TUSC3: variants seen among roughly 807,000 people sequenced by gnomAD.
TUSC3 encodes the protein dolichyl-diphosphooligosaccharide--protein glycosyltransferase subunit TUSC3.
A neutral mutation model predicts 44.8 loss-of-function variants in TUSC3; 45 were observed. The ratio of observed to expected loss-of-function variants is 1.00; its 90% confidence interval spans 0.79 to 1.29. The LOEUF (loss-of-function observed/expected upper bound fraction) is 1.29, where lower values mean the gene tolerates loss of function less well. Ranked by LOEUF, TUSC3 falls within the 50% of genes most tolerant of loss-of-function variation. TUSC3 has a pLI of 0.00. For missense variants in TUSC3, 519 were observed against 437.9 expected (o/e 1.19, Z -1.65); for synonymous variants, 212 against 152.9 (o/e 1.39, Z -2.85).
At chr8:15,621,903 C>T (rs1805263930) in intron 1 of TUSC3, among the ~76,000 whole-genome samples, 1 of 151,996 alleles carries the variant, frequency 6.6e-6, no homozygotes, top group African/African-American at 2.4e-5. Context: ...TACTTTCCTT[C>T]CCTTCCTCCC....
At chr8:15,796,631 G>T in the TUSC3 span, among the ~76,000 whole-genome samples, 1 of 152,188 alleles carries the variant, frequency 6.6e-6, no homozygotes, top group Non-Finnish European at 1.5e-5. Context: ...TAGGCATTTA[G>T]GGGACCACTG....
intron 1 of TUSC3, among the ~76,000 whole-genome samples, chr8:15,615,943 G>A (rs1489797152): frequency 6.6e-6 from 1 of 152,142 alleles, no homozygotes; most frequent in Non-Finnish European, 1.5e-5. Flanking sequence ...GTGATCCTCT[G>A]GACTCAGCCT....
intron 2 of TUSC3, among the ~76,000 whole-genome samples, chr8:15,637,871 T>C (rs1025056884): frequency 6.6e-6 from 1 of 152,160 alleles, no homozygotes; most frequent in African/African-American, 2.4e-5. Context: ...TGCAGTGGCA[T>C]ATTCTGATTC....
intron 2 of TUSC3, among the ~76,000 whole-genome samples, chr8:15,519,746 G>T (rs1350004062): frequency 6.6e-6 from 1 of 152,086 alleles, no homozygotes; most frequent in Non-Finnish European, 1.5e-5. Flanking sequence ...TGGATTAAGG[G>T]GACCACTGGA....
intron 2 of TUSC3, among the ~76,000 whole-genome samples, chr8:15,647,345 A>G (rs1043775724): frequency 2.0e-4 from 31 of 152,152 alleles, no homozygotes; most frequent in African/African-American, 7.5e-4. Context: ...CAAAATTATG[A>G]TACATTTTAA....
intron 6 of TUSC3, among the ~76,000 whole-genome samples, chr8:15,709,269 C>T (rs761773990): frequency 2.0e-5 from 3 of 151,712 alleles, no homozygotes; most frequent in Non-Finnish European, 4.4e-5. Flanking sequence ...AATATTAGCT[C>T]AACAGTAATA....
At chr8:15,665,977 T>C (rs1052072256) in intron 5 of TUSC3, among the ~76,000 whole-genome samples, 3 of 151,422 alleles carry the variant, frequency 2.0e-5, no homozygotes, top group African/African-American at 7.3e-5. Flanking sequence ...TGGTGGACAA[T>C]AAGCATATAC....
chr8:15,674,953 C>T (rs1039786875), intron 6 of TUSC3, among the ~76,000 whole-genome samples: 3 of 152,030 alleles, frequency 2.0e-5, no homozygotes, highest in Non-Finnish European at 2.9e-5. Flanking sequence ...TCCTTCCTGA[C>T]GACACTATTT....
chr8:15,556,657 C>T (rs1218101949), intron 1 of TUSC3, among the ~76,000 whole-genome samples: 3 of 146,734 alleles, frequency 2.0e-5, no homozygotes, highest in African/African-American at 7.5e-5. Context: ...ACATCCTCTC[C>T]AGCACCTGTT....
At chr8:15,795,891 A>AC in the TUSC3 span, among the ~76,000 whole-genome samples, 1 of 152,166 alleles carries the variant, frequency 6.6e-6, no homozygotes, top group South Asian at 2.1e-4. Flanking sequence ...GCATTTGTCT[A>AC]CCCCCCAGAA....
At chr8:15,807,966 G>T in the TUSC3 span, among the ~76,000 whole-genome samples, 1 of 144,468 alleles carries the variant, frequency 6.9e-6, no homozygotes, top group African/African-American at 2.6e-5. Context: ...TTAGCATCGT[G>T]TGATATAACC....
chr8:15,743,712 A>G lies in TUSC3; in HGVS notation c.937+100A>G, dbSNP rs1345240916. 14 of 1,272,258 alleles carry G rather than the reference A, an allele frequency of 1.1e-5. No homozygotes were observed. In the Admixed American group the frequency reaches 2.0e-4, roughly 18 times the overall value. 78.8% of individuals were successfully genotyped at this position (1,272,258 alleles called of 1,614,324 possible). On this transcript the variant is annotated intron_variant, in intron 8 of 10. Coordinates refer to ENST00000503731, the MANE Select transcript of TUSC3 (RefSeq NM_006765.4). ...AAAAGCCCTTTGTAAACAAACTTCT[A>G]AAGAAATGTTCTGGTTTGAAGAAGA...
At chr8:15,689,145 G>A (rs1288203452) in intron 6 of TUSC3, 9 of 400,456 alleles carry the variant, frequency 2.2e-5, no homozygotes, top group South Asian at 8.3e-5. Flanking sequence ...CTCATTTATC[G>A]CTTTTTCTTT....
intron 2 of TUSC3, among the ~76,000 whole-genome samples, chr8:15,640,547 T>C (rs144198897): frequency 6.6e-6 from 1 of 152,374 alleles, no homozygotes; most frequent in East Asian, 1.9e-4. Context: ...ATATTCATTT[T>C]AGTTTTTATT....
chr8:15,417,967 A>G (rs1234068130), intron 1 of TUSC3, among the ~76,000 whole-genome samples: 1 of 152,220 alleles, frequency 6.6e-6, no homozygotes, highest in Non-Finnish European at 1.5e-5. Context: ...AACAATTATT[A>G]AAACTCTACA....
At chr8:15,842,467 C>A in the TUSC3 span, among the ~76,000 whole-genome samples, 1 of 152,124 alleles carries the variant, frequency 6.6e-6, no homozygotes, top group Non-Finnish European at 1.5e-5. Context: ...TTTATTTTAT[C>A]CTGACAGTTA....
rs201772093 is a variant in TUSC3 at position 15,556,639 on chromosome 8, C to G, written c.138+16071C>G. ...CCACCAACAGTGTAAAAGTGTTCCT[C>G]TTTCTCCACATCCTCTCCAGCACCT... On this transcript the variant is annotated intron_variant, in intron 1 of 10. Coordinates refer to ENST00000503731, the MANE Select transcript of TUSC3 (RefSeq NM_006765.4). 5.7e-3 allele frequency among the ~76,000 whole-genome samples: 792 copies of G among 138,798 alleles called. 3 individuals are homozygous for G. Among genetic ancestry groups the G allele is most frequent in the African/African-American group, 0.019 (709 of 38,284 alleles). 91.1% of individuals were successfully genotyped at this position (138,798 alleles called of 152,430 possible). A position where few individuals can be genotyped will look rare whatever the true frequency, so the allele number is the denominator to read the frequency against.
chr8:15,615,553 C>CA (rs1804950627), intron 1 of TUSC3, among the ~76,000 whole-genome samples: 1 of 152,100 alleles, frequency 6.6e-6, no homozygotes, highest in South Asian at 2.1e-4. Context: ...GTTCTATAAG[C>CA]AGTGTAGGGT....
At chr8:15,626,129 A>G (rs1461514603) in intron 2 of TUSC3, among the ~76,000 whole-genome samples, 1 of 152,078 alleles carries the variant, frequency 6.6e-6, no homozygotes, top group African/African-American at 2.4e-5. Context: ...TGTGTCCCCA[A>G]GGTAGCTGAC....
Sources: allele counts gnomAD v4.1 joint callset (sites outside exome capture counted in the v4.1 genomes callset), GRCh38; gene constraint gnomAD v4.1.1; transcripts MANE v1.5; gene names NCBI Gene and HGNC (gene_info 2026-07-23, HGNC 2026-07-21).